CDH13: variants seen among roughly 807,000 people sequenced by gnomAD.
The protein encoded by CDH13 is cadherin-13.
Under a neutral mutation model 63.8 loss-of-function variants are expected in CDH13, and 24 were observed. The observed-to-expected ratio is 0.38, with a 90% CI of 0.27 to 0.53. The LOEUF is 0.53. Ranked by LOEUF, CDH13 falls within the 20% of genes least tolerant of loss-of-function variation. The pLI, the probability that CDH13 is intolerant of heterozygous loss-of-function variation, is 0.85. For synonymous variants in CDH13, 503 were observed against 355.3 expected, an observed-to-expected ratio of 1.42 and a Z score of -4.67; for missense variants, 1,049 against 903.1, an observed-to-expected ratio of 1.16 and a Z score of -2.07.
At chr16:83,066,878 G>C (rs916977014) in intron 3 of CDH13, among the ~76,000 whole-genome samples, 7 of 152,188 alleles carry the variant, frequency 4.6e-5, no homozygotes, top group Admixed American at 3.9e-4. Context: ...GTGTTGGTTA[G>C]AGTGAGTGCT....
chr16:82,840,631 G>T lies in CDH13; in HGVS notation c.46-17731G>T, dbSNP rs533048802. ...ACTAGGGAGGCGGAGGTTGCAGTGA[G>T]CTGAGACCACCCCACTGCACTGCAG... On this transcript the variant is annotated intron_variant, in intron 1 of 13. Transcript: ENST00000567109. 2.7e-5 allele frequency among the ~76,000 whole-genome samples: 4 copies of T among 149,042 alleles called. No individual in the cohort carries two copies. The East Asian group carries it at 7.9e-4, about 30-fold the overall frequency.
At chr16:83,239,990 A>T (rs1018977315) in intron 5 of CDH13, among the ~76,000 whole-genome samples, 9 of 152,148 alleles carry the variant, frequency 5.9e-5, no homozygotes, top group African/African-American at 7.2e-5. Context: ...GAGCTATACA[A>T]ATATCTGTAA....
intron 2 of CDH13, among the ~76,000 whole-genome samples, chr16:82,962,757 G>A (rs1907213744): frequency 6.6e-6 from 1 of 152,134 alleles, no homozygotes; most frequent in African/African-American, 2.4e-5. Flanking sequence ...TGGTTTTTCA[G>A]ATCTCAAGGT....
intron 10 of CDH13, among the ~76,000 whole-genome samples, chr16:83,747,314 G>T (rs1162698071): frequency 6.6e-6 from 1 of 152,144 alleles, no homozygotes; most frequent in Non-Finnish European, 1.5e-5. Flanking sequence ...TCTTTCCCAT[G>T]CTGTTCTCGT....
At chr16:82,692,062 G>A (rs957583294) in intron 1 of CDH13, among the ~76,000 whole-genome samples, 10 of 152,206 alleles carry the variant, frequency 6.6e-5, no homozygotes, top group Non-Finnish European at 1.5e-5. Context: ...GGATATGGCT[G>A]GACAATGAAT....
At chr16:82,689,187 A>G (rs1464792510) in intron 1 of CDH13, among the ~76,000 whole-genome samples, 1 of 150,852 alleles carries the variant, frequency 6.6e-6, no homozygotes, top group Non-Finnish European at 1.5e-5. Context: ...TTTTCAAGAT[A>G]AAACCAGCCT....
chr16:83,393,950 C>A (rs2091836636), intron 6 of CDH13, among the ~76,000 whole-genome samples: 1 of 152,092 alleles, frequency 6.6e-6, no homozygotes, highest in South Asian at 2.1e-4. Context: ...TGTGCAGGAA[C>A]ATGGATGGAC....
rs149216564 is a variant in CDH13, at chr16:83,255,961, G to A, written c.636+38464G>A. Among the ~76,000 whole-genome samples, 22 of 152,254 alleles carry A rather than the reference G, an allele frequency of 1.4e-4. No homozygotes were observed. In the East Asian group the frequency reaches 4.1e-3, roughly 28 times the overall value. Reference sequence around the variant, plus strand: ...GCAGCTTGATTATGGTCAAATCTAAGAAGATTTGATGCAGACCCAACTTCC... The same window carrying A: ...GCAGCTTGATTATGGTCAAATCTAAAAAGATTTGATGCAGACCCAACTTCC... On this transcript the variant is annotated intron_variant, in intron 5 of 13. Transcript: ENST00000567109.
intron 1 of CDH13, among the ~76,000 whole-genome samples, chr16:82,653,812 C>T (rs1186240722): frequency 6.6e-6 from 1 of 152,016 alleles, no homozygotes; most frequent in African/African-American, 2.4e-5. Flanking sequence ...TGCACCGGGG[C>T]GCAGGATGGG....
At chr16:83,376,158 T>G (rs1161990193) in intron 6 of CDH13, among the ~76,000 whole-genome samples, 1 of 152,138 alleles carries the variant, frequency 6.6e-6, no homozygotes, top group East Asian at 1.9e-4. Context: ...CCCTACTATT[T>G]TAGCAAATGA....
At chr16:83,410,613 A>G (rs1343920810) in intron 6 of CDH13, among the ~76,000 whole-genome samples, 1 of 152,058 alleles carries the variant, frequency 6.6e-6, no homozygotes, top group African/African-American at 2.4e-5. Flanking sequence ...ATCATAGGAT[A>G]TTTTTCCTTC....
intron 1 of CDH13, among the ~76,000 whole-genome samples, chr16:82,715,108 A>G (rs1426254325): frequency 1.3e-5 from 2 of 149,998 alleles, no homozygotes; most frequent in Non-Finnish European, 1.5e-5. Context: ...ACCCTAGCTA[A>G]GTTCCATTCT....
intron 10 of CDH13, among the ~76,000 whole-genome samples, chr16:83,705,390 A>C (rs1206008433): frequency 9.2e-5 from 14 of 152,212 alleles, no homozygotes; most frequent in Admixed American, 9.2e-4. Context: ...TGGGAGGCTG[A>C]GGCGGGCAGA....
At chr16:83,303,347 A>G (rs957152661) in intron 5 of CDH13, among the ~76,000 whole-genome samples, 3 of 152,220 alleles carry the variant, frequency 2.0e-5, no homozygotes, top group Admixed American at 2.0e-4. Flanking sequence ...AGATGCTTAT[A>G]CAACTTTCTT....
intron 6 of CDH13, among the ~76,000 whole-genome samples, chr16:83,395,184 T>A (rs914094469): frequency 1.4e-5 from 2 of 145,504 alleles, no homozygotes; most frequent in Non-Finnish European, 3.0e-5. Flanking sequence ...TGTGGTGGCA[T>A]GTGCCTGTAA....
chr16:83,341,373 C>A lies in CDH13; in HGVS notation c.637-3489C>A, dbSNP rs146946934. 7.2e-5 allele frequency among the ~76,000 whole-genome samples: 11 copies of A among 152,252 alleles called. No homozygotes were observed. The East Asian group carries it at 1.9e-3, about 27-fold the overall frequency. On this transcript the variant is annotated intron_variant, in intron 5 of 13. Transcript: ENST00000567109. ...TGGCATTTGCTAACTGTGGGTCTGA[C>A]CTTCGTATGAGAACAGTGATGAAAA... is the stretch of plus-strand genomic sequence containing the variant.
At chr16:83,540,326 C>T (rs928664777) in intron 7 of CDH13, among the ~76,000 whole-genome samples, 1 of 152,108 alleles carries the variant, frequency 6.6e-6, no homozygotes, top group Non-Finnish European at 1.5e-5. Flanking sequence ...GTCTGCTGCC[C>T]CGAAGGAGTG....
intron 4 of CDH13, among the ~76,000 whole-genome samples, chr16:83,164,612 C>G (rs928192885): frequency 6.6e-6 from 1 of 151,550 alleles, no homozygotes; most frequent in African/African-American, 2.4e-5. Context: ...CCCAGCTACT[C>G]AGGAGGCTGA....
chr16:83,079,374 A>C (rs2033079377), intron 3 of CDH13, among the ~76,000 whole-genome samples: 1 of 152,186 alleles, frequency 6.6e-6, no homozygotes, highest in Non-Finnish European at 1.5e-5. Context: ...TCTGACACAA[A>C]ATCAACCTCA....
Sources: gnomAD v4.1 joint callset for allele counts (sites outside exome capture counted in the v4.1 genomes callset) on GRCh38, gnomAD v4.1.1 for gene constraint, MANE v1.5 for transcripts, NCBI Gene and HGNC (gene_info 2026-07-23, HGNC 2026-07-21) for gene names.